TIAM1: variants seen among roughly 807,000 people sequenced by gnomAD.
TIAM1 encodes the protein rho guanine nucleotide exchange factor TIAM1.
In TIAM1, 65 loss-of-function variants were observed where a neutral mutation model predicts 163.5. That is an observed-to-expected ratio of 0.40 (90% CI 0.33 to 0.49). The LOEUF is 0.49. Among genes scored for constraint, TIAM1 ranks in the 20% least tolerant of loss-of-function variants. TIAM1 has a pLI of 0.77. For synonymous variants in TIAM1, 833 were observed against 810.1 expected, an observed-to-expected ratio of 1.03 and a Z score of -0.48; for missense variants, 1,789 against 2,044.7, an observed-to-expected ratio of 0.87 and a Z score of 2.41.
At chr21:31,502,458 G>A (rs1232548419) in intron 1 of TIAM1, among the ~76,000 whole-genome samples, 1 of 151,934 alleles carries the variant, frequency 6.6e-6, no homozygotes, top group Non-Finnish European at 1.5e-5. Context: ...TTTAAGAGAG[G>A]GCTGACTTCC....
At chr21:31,370,064 T>C (rs2076570574) in intron 2 of TIAM1, among the ~76,000 whole-genome samples, 1 of 152,226 alleles carries the variant, frequency 6.6e-6, no homozygotes, top group Non-Finnish European at 1.5e-5. Context: ...CAGTAGTCTA[T>C]GAACCAGGAA....
intron 2 of TIAM1, among the ~76,000 whole-genome samples, chr21:31,456,608 GT>G (rs140138221): frequency 0.23 from 34,294 of 152,102 alleles, 4,045 homozygotes; most frequent in South Asian, 0.28. Flanking sequence ...CAACTTTCAT[GT>G]TTTTAAAACT....
chr21:31,232,671 G>T (rs547641472), intron 6 of TIAM1, among the ~76,000 whole-genome samples: 1 of 152,130 alleles, frequency 6.6e-6, no homozygotes, highest in Admixed American at 6.5e-5. Flanking sequence ...AAAGCCATCC[G>T]AAGCCACTAA....
chr21:31,271,702 C>CACCTCTCCCCATCGTCAGGGTAAT (rs3831795), intron 3 of TIAM1, among the ~76,000 whole-genome samples: 1 of 151,998 alleles, frequency 6.6e-6, no homozygotes, highest in African/African-American at 2.4e-5. Flanking sequence ...GTTGAGAGGG[C>CACCTCTCCCCATCGTCAGGGTAAT]AAGTGTAGAA....
Position 31,165,046 on chromosome 21 carries a change from C to T in TIAM1, c.2907G>A (p.Glu969=), listed in dbSNP as rs1356288927. 1 of 1,614,082 alleles carries T rather than the reference C, an allele frequency of 6.2e-7. No individual in the cohort carries two copies. Among genetic ancestry groups the T allele is most frequent in the Admixed American group, 1.7e-5 (1 of 60,034 alleles). The change falls in exon 16 of 28, where the codon GAG becomes GAA. Residue 969 remains glutamate, a synonymous_variant. Transcript: ENST00000541036. ...GAGCGGTCTCAGCACTGCTGCCCTG[C>T]TCGCTGCAAAGGCTGTGCCCTGTCA... is the stretch of plus-strand genomic sequence containing the variant. ...TSNPGHSLCS[E]QGSSAETAPE... is the part of the protein sequence containing the mutation.
chr21:31,155,597 C>CG (rs1392322207), intron 16 of TIAM1, among the ~76,000 whole-genome samples: 1 of 152,104 alleles, frequency 6.6e-6, no homozygotes, highest in East Asian at 1.9e-4. Flanking sequence ...CTCCACCTTC[C>CG]GGGTTCACGC....
At chr21:31,295,433 G>A (rs1211008570) in intron 2 of TIAM1, among the ~76,000 whole-genome samples, 2 of 129,058 alleles carry the variant, frequency 1.5e-5, no homozygotes, top group Non-Finnish European at 3.1e-5. Context: ...TCACGCCACT[G>A]CATTCCAGCC....
At chr21:31,479,700 A>C (rs940429386) in intron 1 of TIAM1, among the ~76,000 whole-genome samples, 28 of 152,162 alleles carry the variant, frequency 1.8e-4, no homozygotes, top group African/African-American at 6.8e-4. Context: ...AGGAAGTGAA[A>C]AAGGAAGGAT....
rs570218891 is a variant in TIAM1 at position 31,539,565 on chromosome 21, G to A, written c.-422+19362C>T. ...CAGGCGTGAGCCACCGCGCCCGGCC[G>A]GAATGGGCTAGTTATTCTGTACTAA... On this transcript the variant is annotated intron_variant, in intron 1 of 28. Transcript: ENST00000286827. 1.6e-4 allele frequency among the ~76,000 whole-genome samples: 25 copies of A among 152,110 alleles called. No homozygotes were observed. The East Asian group carries it at 2.5e-3, about 15-fold the overall frequency.
At position 31,252,042 on chromosome 21, in the gene TIAM1, C is replaced by T. The variant is rs1228802572; in HGVS notation, c.1111G>A (p.Gly371Ser). ...GCCGCATCCCCGGTGGAGCTGCTGC[C>T]GCTGTCGCTGCCCACAAAGGCCCGG... Reference protein sequence around the residue: ...TGRAFVGSDSGSSSTGDAARQ... With the variant: ...TGRAFVGSDSSSSSTGDAARQ... Residue 371 changes from glycine to serine, a missense_variant, in exon 5 of 28, where the codon GGC (glycine) becomes AGC (serine). Physicochemically the swap from Gly to Ser is moderately conservative, Grantham distance 56. Around this residue, in one of 5 missense-constraint regions of TIAM1, gnomAD observed 555 missense variants for 564.9 expected, o/e 0.98. Coordinates refer to ENST00000541036, the MANE Select transcript of TIAM1 (RefSeq NM_001353694.2). The T allele has an allele frequency of 1.2e-6, 2 of 1,614,096 alleles. No individual in the cohort carries two copies. The highest frequency in any genetic ancestry group is 1.7e-6 in the Non-Finnish European group (2 of 1,180,044).
intron 1 of TIAM1, among the ~76,000 whole-genome samples, chr21:31,471,481 T>C (rs1231792711): frequency 6.6e-6 from 1 of 152,184 alleles, no homozygotes; most frequent in Non-Finnish European, 1.5e-5. Context: ...CTCTGTTTTC[T>C]TCCCTGCAGG....
chr21:31,251,839 G>A lies in TIAM1; in HGVS notation c.1314C>T (p.Gly438=). The A allele has an allele frequency of 6.2e-7, 1 of 1,613,722 alleles. No homozygotes were observed. Among genetic ancestry groups the A allele is most frequent in the South Asian group, 1.1e-5 (1 of 91,048 alleles). ...TAAQGTVRKA[G]ALAVKNFLVH... is the part of the protein sequence containing the mutation. ...CCAGGAAGTTCTTGACGGCCAGGGC[G>A]CCGGCCTTGCGCACCGTGCCCTGTG... Residue 438 remains glycine (G), a synonymous_variant, in exon 5 of 28, where the codon GGC becomes GGT. Transcript: ENST00000541036.
intron 8 of TIAM1, 126 bp downstream of exon 8, chr21:31,223,280 G>T: frequency 9.6e-7 from 1 of 1,041,972 alleles, no homozygotes; most frequent in Non-Finnish European, 1.4e-6. Context: ...ACTGCAAAGG[G>T]AGGGCATTTC....
chr21:31,316,917 T>A (rs1273595652), intron 2 of TIAM1, among the ~76,000 whole-genome samples: 1 of 152,196 alleles, frequency 6.6e-6, no homozygotes, highest in African/African-American at 2.4e-5. Context: ...CAGGTCTGCC[T>A]AGGTGGGTAA....
At chr21:31,553,497 T>C (rs1034244752) in intron 1 of TIAM1, among the ~76,000 whole-genome samples, 1 of 152,148 alleles carries the variant, frequency 6.6e-6, no homozygotes, top group Non-Finnish European at 1.5e-5. Context: ...TCTGAGCCTC[T>C]GAAAACACTG....
Position 31,214,564 on chromosome 21 carries a change from T to A in TIAM1, c.2143-1092A>T, listed in dbSNP as rs553665880. Reference sequence around the variant, plus strand: ...CAACATGGCAACATAGGGGTTTTTTTAATTAAAAAATAGAAAATTGTCTCT... The same window carrying A: ...CAACATGGCAACATAGGGGTTTTTTAAATTAAAAAATAGAAAATTGTCTCT... On this transcript the variant is annotated intron_variant, in intron 9 of 27. Coordinates refer to ENST00000541036, the MANE Select transcript of TIAM1 (RefSeq NM_001353694.2). 2.4e-4 allele frequency among the ~76,000 whole-genome samples: 37 copies of A among 152,194 alleles called. No homozygotes were observed. The South Asian group carries it at 7.3e-3, about 30-fold the overall frequency.
intron 2 of TIAM1, among the ~76,000 whole-genome samples, chr21:31,429,199 A>C (rs1330817451): frequency 6.6e-6 from 1 of 151,988 alleles, no homozygotes; most frequent in Non-Finnish European, 1.5e-5. Context: ...ACAGGGTTTC[A>C]TTATGTTGCC....
chr21:31,145,963 A>C (rs1387976769), intron 20 of TIAM1, among the ~76,000 whole-genome samples: 1 of 152,222 alleles, frequency 6.6e-6, no homozygotes, highest in East Asian at 1.9e-4. Context: ...AGTTTCCAAG[A>C]ACCTGTCGAC....
intron 1 of TIAM1, among the ~76,000 whole-genome samples, chr21:31,552,623 A>T (rs1333492423): frequency 6.6e-6 from 1 of 151,992 alleles, no homozygotes; most frequent in Non-Finnish European, 1.5e-5. Context: ...AAAATACAGA[A>T]ATTAGCCAGG....
Sources: allele counts gnomAD v4.1 joint callset (sites outside exome capture counted in the v4.1 genomes callset), GRCh38; gene constraint gnomAD v4.1.1; regional missense constraint gnomAD v4.1.1; transcripts MANE v1.5; gene names NCBI Gene and HGNC (gene_info 2026-07-23, HGNC 2026-07-21).